PDE4D: variants seen among roughly 807,000 people sequenced by gnomAD.
The protein encoded by PDE4D is phosphodiesterase 4D.
In PDE4D, 24 loss-of-function variants were observed where a neutral mutation model predicts 87.4. The ratio of observed to expected loss-of-function variants is 0.27; its 90% CI spans 0.20 to 0.39. The LOEUF (loss-of-function observed/expected upper bound fraction) is 0.39. PDE4D is among the 10% of genes least tolerant of loss of function. The probability of loss-of-function intolerance (pLI) is 1.00; values close to 1 mark genes in which losing one functional copy is unlikely to be tolerated. For missense variants in PDE4D, 714 were observed against 1,041.0 expected (o/e 0.69, Z 4.32); for synonymous variants, 384 against 383.2 (o/e 1.00, Z -0.02).
intron 1 of PDE4D, among the ~76,000 whole-genome samples, chr5:59,647,277 A>G (rs1229651540): frequency 2.0e-5 from 3 of 152,202 alleles, no homozygotes; most frequent in Non-Finnish European, 4.4e-5. Flanking sequence ...AAAGCCAAAT[A>G]TAAAAATGAA....
intron 1 of PDE4D, among the ~76,000 whole-genome samples, chr5:59,516,305 A>AT (rs908274779): frequency 2.0e-5 from 3 of 151,780 alleles, no homozygotes; most frequent in Non-Finnish European, 4.4e-5. Flanking sequence ...CTTTCTCTGG[A>AT]TTTTTTTTCC....
intron 1 of PDE4D, among the ~76,000 whole-genome samples, chr5:59,647,414 A>G (rs1024829862): frequency 2.6e-5 from 4 of 151,706 alleles, no homozygotes; most frequent in Non-Finnish European, 5.9e-5. Flanking sequence ...TATTATTCAT[A>G]TATGTACATT....
chr5:59,104,506 G>C (rs894651548), intron 5 of PDE4D, among the ~76,000 whole-genome samples: 9 of 152,132 alleles, frequency 5.9e-5, no homozygotes, highest in African/African-American at 1.9e-4. Context: ...TACTGAACCA[G>C]AATCTAAAGG....
At chr5:60,506,033 A>G (rs1750306291) in intron 1 of PDE4D, among the ~76,000 whole-genome samples, 1 of 152,242 alleles carries the variant, frequency 6.6e-6, no homozygotes, top group Non-Finnish European at 1.5e-5. Flanking sequence ...TGTTGGTACC[A>G]GGGTGGATTA....
At chr5:59,905,539 T>G (rs1403553285) in intron 3 of PDE4D, among the ~76,000 whole-genome samples, 1 of 152,122 alleles carries the variant, frequency 6.6e-6, no homozygotes, top group Non-Finnish European at 1.5e-5. Flanking sequence ...CGCCCTGAGT[T>G]TCCGTTTCAG....
chr5:59,448,367 C>T (rs981261832), intron 1 of PDE4D, among the ~76,000 whole-genome samples: 1 of 152,130 alleles, frequency 6.6e-6, no homozygotes, highest in African/African-American at 2.4e-5. Context: ...TGTTCTCACA[C>T]CTGTCTCTTC....
intron 1 of PDE4D, among the ~76,000 whole-genome samples, chr5:59,656,375 T>C (rs533087862): frequency 2.1e-4 from 32 of 152,332 alleles, no homozygotes; most frequent in Non-Finnish European, 4.1e-4. Flanking sequence ...GGGGAAGTTA[T>C]GTGACAAGGA....
chr5:59,626,440 T>A (rs1292418429), intron 1 of PDE4D, among the ~76,000 whole-genome samples: 5 of 152,216 alleles, frequency 3.3e-5, no homozygotes, highest in Non-Finnish European at 7.4e-5. Flanking sequence ...GAACCATGCA[T>A]TTCTTTATTC....
At chr5:60,109,313 A>G (rs1358791195) in intron 2 of PDE4D, among the ~76,000 whole-genome samples, 1 of 152,188 alleles carries the variant, frequency 6.6e-6, no homozygotes, top group Non-Finnish European at 1.5e-5. Context: ...ACAATGAGAT[A>G]CCATCTCACA....
intron 2 of PDE4D, among the ~76,000 whole-genome samples, chr5:60,095,034 T>A (rs1775530360): frequency 6.6e-6 from 1 of 152,138 alleles, no homozygotes; most frequent in Non-Finnish European, 1.5e-5. Flanking sequence ...TTTTAACATA[T>A]TTCTTTTTAC....
intron 1 of PDE4D, among the ~76,000 whole-genome samples, chr5:59,390,765 A>G (rs11738043): frequency 0.042 from 6,458 of 152,276 alleles, 237 homozygotes; most frequent in South Asian, 0.19. Flanking sequence ...GGCAAATAAC[A>G]TAAGAAATAG....
intron 1 of PDE4D, among the ~76,000 whole-genome samples, chr5:59,441,762 GC>G (rs1300948783): frequency 6.6e-6 from 1 of 152,156 alleles, no homozygotes; most frequent in Non-Finnish European, 1.5e-5. Context: ...AATTAACTGT[GC>G]ACTTGAAATT....
intron 1 of PDE4D, among the ~76,000 whole-genome samples, chr5:59,405,729 G>T (rs908111408): frequency 1.3e-5 from 2 of 151,990 alleles, no homozygotes; most frequent in African/African-American, 4.8e-5. Context: ...TCAGTTTTTT[G>T]AGTTTTTATC....
intron 1 of PDE4D, among the ~76,000 whole-genome samples, chr5:59,765,071 T>G (rs556322298): frequency 6.6e-6 from 1 of 152,212 alleles, no homozygotes; most frequent in Admixed American, 6.5e-5. Context: ...AGCATGGGTA[T>G]ACCAAAATGA....
At chr5:59,217,192 A>C (rs1375457150) in intron 1 of PDE4D, 1 of 455,582 alleles carries the variant, frequency 2.2e-6, no homozygotes, top group African/African-American at 2.0e-5. Context: ...GTCAACTTTC[A>C]TGTGTTCTTA....
At chr5:59,421,241 A>T (rs1399087768) in intron 1 of PDE4D, among the ~76,000 whole-genome samples, 1 of 152,194 alleles carries the variant, frequency 6.6e-6, no homozygotes, top group Non-Finnish European at 1.5e-5. Flanking sequence ...GAAACATCAG[A>T]GCAGTAGAAT....
chr5:60,214,819 G>A (rs1245166430), intron 1 of PDE4D, among the ~76,000 whole-genome samples: 2 of 152,114 alleles, frequency 1.3e-5, no homozygotes, highest in African/African-American at 4.8e-5. Context: ...AGTGTTCAAG[G>A]AAGAAAGAAA....
rs185209662 is a variant in PDE4D at position 59,846,750 on chromosome 5, G to A, written c.455+46418C>T. Reference sequence around the variant, plus strand: ...ACAAGTAGGGTGCAAAGGCTGAAACGTCACATGGAGACCCCAGTGAATTAG... The same window carrying A: ...ACAAGTAGGGTGCAAAGGCTGAAACATCACATGGAGACCCCAGTGAATTAG... On this transcript the variant is annotated intron_variant, in intron 1 of 14. Transcript: ENST00000340635. Among the ~76,000 whole-genome samples the A allele has an allele frequency of 2.7e-3, 404 of 152,024 alleles. 1 individual carries two copies. The highest frequency in any genetic ancestry group is 0.01 in the Middle Eastern group (3 of 294).
intron 1 of PDE4D, among the ~76,000 whole-genome samples, chr5:59,706,703 T>C (rs1272276861): frequency 2.0e-5 from 3 of 152,248 alleles, no homozygotes; most frequent in African/African-American, 4.8e-5. Flanking sequence ...CCCATATTTA[T>C]AGAGATATTT....
Sources: gnomAD v4.1 joint callset for allele counts (sites outside exome capture counted in the v4.1 genomes callset) on GRCh38, gnomAD v4.1.1 for gene constraint, MANE v1.5 for transcripts, NCBI Gene and HGNC (gene_info 2026-07-23, HGNC 2026-07-21) for gene names.